Variants in OTOG observed in about 807,000 individuals in gnomAD.
The protein encoded by OTOG is otogelin.
In OTOG, 296 loss-of-function variants were observed where a neutral mutation model predicts 313.8. The observed-to-expected ratio is 0.94, with a 90% CI of 0.86 to 1.04. OTOG has a LOEUF of 1.04. OTOG is among the 50% of genes least tolerant of loss of function. The pLI, the probability that OTOG is intolerant of heterozygous loss-of-function variation, is 0.00. For missense variants in OTOG, 3,948 were observed against 3,840.1 expected (o/e 1.03, Z -0.74); for synonymous variants, 1,533 against 1,554.9 (o/e 0.99, Z 0.33).
chr11:17,614,922 T>C (rs1853685560), intron 39 of OTOG, among the ~76,000 whole-genome samples: 1 of 152,194 alleles, frequency 6.6e-6, no homozygotes, highest in African/African-American at 2.4e-5. Flanking sequence ...AAGGATGTAT[T>C]TAGCTTTACA....
intron 24 of OTOG, among the ~76,000 whole-genome samples, chr11:17,588,997 C>G (rs891736307): frequency 1.3e-5 from 2 of 152,158 alleles, no homozygotes; most frequent in Admixed American, 1.3e-4. Context: ...TCCCTTTTAC[C>G]TCAACCTGTG....
Position 17,634,960 on chromosome 11 carries a change from G to A in OTOG, c.7585+12G>A, listed in dbSNP as rs538124093. 988 of 1,517,650 alleles carry A rather than the reference G, an allele frequency of 6.5e-4. 6 individuals carry two copies. The African/African-American group carries it at 0.011, about 16-fold the overall frequency. 94.0% of individuals were successfully genotyped at this position (1,517,650 alleles called of 1,614,324 possible). On this transcript the variant is annotated intron_variant, in intron 45 of 55. Coordinates refer to ENST00000399397, the MANE Select transcript of OTOG (RefSeq NM_001292063.2). ...CAGCTACAGCTGTGGTGAGAGGCCC[G>A]GGGTGGGGAGGGTGGGGGACGGACT...
intron 28 of OTOG, 141 bp from the exon 29 acceptor site, chr11:17,595,897 A>C: frequency 1.5e-6 from 1 of 664,498 alleles, no homozygotes; most frequent in Non-Finnish European, 2.7e-6. Flanking sequence ...GGTCCCTTCT[A>C]CACTCAAGGG....
intron 28 of OTOG, among the ~76,000 whole-genome samples, chr11:17,595,662 G>C (rs1444995234): frequency 6.6e-6 from 1 of 152,140 alleles, no homozygotes; most frequent in Admixed American, 6.5e-5. Context: ...TCCATATTTT[G>C]GGCTGGCTTT....
chr11:17,561,026 GT>G, intron 13 of OTOG, 64 bp from the exon 14 acceptor site: 1 of 1,520,566 alleles, frequency 6.6e-7, no homozygotes, highest in Non-Finnish European at 8.9e-7. Context: ...GGGCCCTGCA[GT>G]TTCCCAGCAT....
At position 17,602,213 on chromosome 11, in the gene OTOG, T is replaced by A. The variant is rs1475660593; in HGVS notation, c.3713T>A (p.Leu1238Gln). 1 of 1,550,230 alleles carries A rather than the reference T, an allele frequency of 6.5e-7. No homozygotes were observed. The highest frequency in any genetic ancestry group is 2.4e-5 in the East Asian group (1 of 40,922). Residue 1238 changes from leucine (L) to glutamine (Q), a missense_variant, in exon 32 of 56, where the codon CTA becomes CAA. Physicochemically the swap from Leu to Gln is moderately radical, Grantham distance 113. Transcript: ENST00000399397. ...PYDCDFFNKV[L>Q]GKGPYQLSSL... ...TGATGGGGCCTCTTCTCTCCAGTGC[T>A]AGGTAAGGGCCCCTATCAGCTATCC...
intron 18 of OTOG, 142 bp downstream of exon 18, chr11:17,572,346 G>A (rs1852423473): frequency 8.2e-7 from 1 of 1,225,432 alleles, no homozygotes; most frequent in Non-Finnish European, 1.1e-6. Flanking sequence ...AGCAGGGAGG[G>A]GAAAGGAGAG....
At position 17,548,180 on chromosome 11, in the gene OTOG, A is replaced by T; in HGVS notation, c.184A>T (p.Met62Leu). 6.5e-7 allele frequency: 1 copy of T among 1,548,002 alleles called. No individual in the cohort carries two copies. The highest frequency in any genetic ancestry group is 8.7e-7 in the Non-Finnish European group (1 of 1,145,550). ...CAGCCACCAGGAGGCGACCCTTGCC[A>T]TGGGGGACAAGGCTACAGTCGTGGG... is the stretch of plus-strand genomic sequence containing the variant. ...SSSHQEATLAMGDKATVVGGQ... is the reference protein window; with the variant it reads ...SSSHQEATLALGDKATVVGGQ... Residue 62 changes from methionine to leucine, a missense_variant, in exon 3 of 56, where the codon ATG (methionine) becomes TTG (leucine). Physicochemically the swap from Met to Leu is conservative, Grantham distance 15 (BLOSUM62 2). Transcript: ENST00000399397.
chr11:17,578,145 G>A (rs953000489), intron 22 of OTOG: 17 of 821,604 alleles, frequency 2.1e-5, no homozygotes, highest in South Asian at 4.6e-5. Flanking sequence ...TATGGAGGAC[G>A]TGCAGAGATG....
In OTOG at chr11:17,573,176, A is replaced by G; in HGVS notation, c.2179A>G (p.Arg727Gly). 1 of 1,542,172 alleles carries G rather than the reference A, an allele frequency of 6.5e-7. No homozygotes were observed. Among genetic ancestry groups the G allele is most frequent in the Non-Finnish European group, 8.7e-7 (1 of 1,146,872 alleles). ...CGTGCCCTACTTTGAGCAGTGCCGCAGGGATGCCTGCCGCTGCGGGCAGCC... is the reference window on the plus strand; with the variant it reads ...CGTGCCCTACTTTGAGCAGTGCCGCGGGGATGCCTGCCGCTGCGGGCAGCC... ...SPVPYFEQCR[R>G]DACRCGQPCL... The change falls in exon 19 of 56, where the codon AGG becomes GGG. Residue 727 changes from arginine (R) to glycine (G), a missense_variant. Arg to Gly is a moderately radical substitution (Grantham distance 125). Transcript: ENST00000399397.
At position 17,558,657 on chromosome 11, in the gene OTOG, G is replaced by GC; in HGVS notation, c.1103+13_1103+14insC. 6.5e-7 allele frequency: 1 copy of GC among 1,547,580 alleles called. No homozygotes were observed. The highest frequency in any genetic ancestry group is 8.7e-7 in the Non-Finnish European group (1 of 1,146,362). On this transcript the variant is annotated intron_variant, in intron 10 of 55. Coordinates refer to ENST00000399397, the MANE Select transcript of OTOG (RefSeq NM_001292063.2). Reference sequence around the variant, plus strand: ...GTGATCTCTGCCAGTGAGTAGGGGTGGTGTGGGCTATGGGGAACCCTCTAG... The same window carrying GC: ...GTGATCTCTGCCAGTGAGTAGGGGTGCGTGTGGGCTATGGGGAACCCTCTAG...
At chr11:17,588,552 C>G (rs889729202) in intron 24 of OTOG, among the ~76,000 whole-genome samples, 1 of 152,090 alleles carries the variant, frequency 6.6e-6, no homozygotes, top group African/African-American at 2.4e-5. Context: ...TAGGAAGCCA[C>G]GTGGAGTCAG....
At chr11:17,635,411 G>A (rs1001938230) in intron 46 of OTOG, among the ~76,000 whole-genome samples, 199 bp from the exon 47 acceptor site, 1 of 152,178 alleles carries the variant, frequency 6.6e-6, no homozygotes, top group African/African-American at 2.4e-5. Flanking sequence ...TGCTTGTTCT[G>A]TGTAAGCCTT....
intron 30 of OTOG, 143 bp from the exon 31 acceptor site, chr11:17,599,528 T>C (rs1853193617): frequency 1.2e-6 from 1 of 832,584 alleles, no homozygotes; most frequent in Admixed American, 2.2e-5. Flanking sequence ...TCCATGACCA[T>C]TCCCAAATCT....
intron 39 of OTOG, among the ~76,000 whole-genome samples, chr11:17,618,948 A>C (rs751443732): frequency 1.3e-5 from 2 of 152,042 alleles, no homozygotes; most frequent in Non-Finnish European, 2.9e-5. Flanking sequence ...CTTTTACTTT[A>C]ACCTGTTTGT....
At chr11:17,600,325 T>G (rs1247335860) in intron 31 of OTOG, among the ~76,000 whole-genome samples, 2 of 152,192 alleles carry the variant, frequency 1.3e-5, no homozygotes, top group African/African-American at 4.8e-5. Flanking sequence ...GGAGTAGTTT[T>G]TAGCACCGAA....
chr11:17,643,928 C>T (rs939559063), intron 54 of OTOG, among the ~76,000 whole-genome samples: 2 of 152,344 alleles, frequency 1.3e-5, no homozygotes, highest in Middle Eastern at 3.4e-3. Flanking sequence ...CTGACAGTCC[C>T]CGTTAGTCCC....
chr11:17,631,848 A>T lies in OTOG; in HGVS notation c.6859A>T (p.Ser2287Cys). 2.6e-6 allele frequency: 4 copies of T among 1,550,592 alleles called. No homozygotes were observed. Among genetic ancestry groups the T allele is most frequent in the Non-Finnish European group, 2.6e-6 (3 of 1,146,996 alleles). ...SVGQTRFRPD[S>C]CATTDCSPCL... ...GGGCCAGACCCGCTTCCGCCCAGAC[A>T]GCTGCGCCACAACTGACTGCTCGCC... is the stretch of plus-strand genomic sequence containing the variant. Residue 2287 changes from serine to cysteine, a missense_variant, in exon 41 of 56, where the codon AGC (serine) becomes TGC (cysteine). By Grantham distance (112) the Ser-to-Cys change is moderately radical. Transcript: ENST00000399397.
chr11:17,644,197 C>T (rs1848029429), intron 54 of OTOG, among the ~76,000 whole-genome samples: 1 of 152,258 alleles, frequency 6.6e-6, no homozygotes, highest in Non-Finnish European at 1.5e-5. Context: ...GCTCACCTGG[C>T]ACCCACCAAT....
Sources: allele counts gnomAD v4.1 joint callset (sites outside exome capture counted in the v4.1 genomes callset), GRCh38; gene constraint gnomAD v4.1.1; transcripts MANE v1.5; gene names NCBI Gene and HGNC (gene_info 2026-07-23, HGNC 2026-07-21).